ADGRB1: variants seen among roughly 807,000 people sequenced by gnomAD.
The protein encoded by ADGRB1 is adhesion G protein-coupled receptor B1, also known as brain-specific angiogenesis inhibitor 1.
Under a neutral mutation model 175.7 loss-of-function variants are expected in ADGRB1, and 36 were observed. That is an observed-to-expected ratio of 0.20 (90% CI 0.16 to 0.27). The LOEUF (loss-of-function observed/expected upper bound fraction) is 0.27. ADGRB1 is among the 10% of genes least tolerant of loss of function. The pLI, the probability that ADGRB1 is intolerant of heterozygous loss-of-function variation, is 1.00. For synonymous variants in ADGRB1, 1,054 were observed against 979.4 expected, an observed-to-expected ratio of 1.08 and a Z score of -1.42; for missense variants, 1,731 against 2,255.3, an observed-to-expected ratio of 0.77 and a Z score of 4.71.
At chr8:142,460,077 G>C (rs530409670) in intron 1 of ADGRB1, among the ~76,000 whole-genome samples, 1 of 148,520 alleles carries the variant, frequency 6.7e-6, no homozygotes, top group Non-Finnish European at 1.5e-5. Context: ...GGCCTGGCGT[G>C]GGGGGGACAG....
At chr8:142,523,790 A>C in intron 22 of ADGRB1, among the ~76,000 whole-genome samples, 1 of 107,026 alleles carries the variant, frequency 9.3e-6, no homozygotes, top group African/African-American at 3.6e-5. Flanking sequence ...GGGGGTGGGG[A>C]GGGGGCAGGA....
chr8:142,501,898 T>TG (rs1554614710), intron 17 of ADGRB1, among the ~76,000 whole-genome samples: 1 of 40,280 alleles, frequency 2.5e-5, no homozygotes, highest in Non-Finnish European at 5.4e-5. Flanking sequence ...GTGAGGGTGA[T>TG]GTGGTGGTGA....
intron 18 of ADGRB1, among the ~76,000 whole-genome samples, chr8:142,516,459 C>CATGTCA (rs1843441654): frequency 1.8e-5 from 2 of 109,406 alleles, no homozygotes; most frequent in Non-Finnish European, 1.8e-5. Flanking sequence ...TGTGTCTGTG[C>CATGTCA]GGGCCCCAGA....
At chr8:142,534,596 T>G (rs923674726) in intron 25 of ADGRB1, among the ~76,000 whole-genome samples, 1 of 152,118 alleles carries the variant, frequency 6.6e-6, no homozygotes, top group Non-Finnish European at 1.5e-5. Flanking sequence ...AGTTCTGATG[T>G]CCAGCAGCGA....
rs200224393 is a variant in ADGRB1 at position 142,479,486 on chromosome 8, C to T, written c.1725C>T (p.Pro575=). 4.7e-3 allele frequency: 7,232 copies of T among 1,539,722 alleles called. 17 individuals carry two copies. Among genetic ancestry groups the T allele is most frequent in the Admixed American group, 6.0e-3 (263 of 43,780 alleles). The change falls in exon 8 of 31, where the codon CCC becomes CCT. Residue 575 remains proline, a splice_region_variant and synonymous_variant. Coordinates refer to ENST00000517894, the MANE Select transcript of ADGRB1 (RefSeq NM_001702.3). ...GGCAGTGCGGCACCCAGCGGTGTCC[C>T]GGTGAGGCCCCTCCTACCTGGGCTG... ...EYRQCGTQRC[P]EPHEICDEDN...
At chr8:142,475,436 T>A in intron 2 of ADGRB1, 38 bp from the exon 3 acceptor site, 1 of 1,271,356 alleles carries the variant, frequency 7.9e-7, no homozygotes, top group Non-Finnish European at 9.9e-7. Context: ...CACGAGCCCC[T>A]GCCCTGCCCT....
At chr8:142,457,793 C>G (rs943944224) in intron 1 of ADGRB1, among the ~76,000 whole-genome samples, 7 of 152,306 alleles carry the variant, frequency 4.6e-5, no homozygotes, top group African/African-American at 1.7e-4. Flanking sequence ...TGGCCCACTT[C>G]TTATGGCTCT....
chr8:142,475,927 G>C (rs1008836681), intron 3 of ADGRB1, among the ~76,000 whole-genome samples: 10 of 25,158 alleles, frequency 4.0e-4, no homozygotes, highest in Non-Finnish European at 1.0e-3. Context: ...GGGCCTAGCC[G>C]GGGGAGCAGA....
At chr8:142,488,225 C>T in intron 13 of ADGRB1, 139 bp from the exon 14 acceptor site, 1 of 1,247,626 alleles carries the variant, frequency 8.0e-7, no homozygotes, top group Non-Finnish European at 1.1e-6. Flanking sequence ...GGCCCCCACA[C>T]TCCTGCCTCT....
At chr8:142,533,186 CG>C (rs1563748601) in intron 24 of ADGRB1, 108 bp from the exon 25 acceptor site, 4 of 1,228,118 alleles carry the variant, frequency 3.3e-6, no homozygotes, top group Admixed American at 2.8e-5. Context: ...GAGACAGAGA[CG>C]GGGACTTAGG....
At chr8:142,520,235 ATGATGGTGATGGTGGTGGTGATGATGG>A (rs1208239826) in intron 19 of ADGRB1, among the ~76,000 whole-genome samples, 2 of 99,232 alleles carry the variant, frequency 2.0e-5, no homozygotes, top group South Asian at 3.8e-4. Context: ...TGATGGAGTG[ATGATGGTGATGGTGGTGGTGATGATGG>A]TGATGGTGAT....
intron 24 of ADGRB1, among the ~76,000 whole-genome samples, chr8:142,528,706 CCTT>C (rs1418569945): frequency 2.0e-5 from 3 of 152,182 alleles, no homozygotes; most frequent in Non-Finnish European, 2.9e-5. Context: ...CTCTGAGTCA[CCTT>C]CTGTTTGTTT....
rs1334228962 is a variant in ADGRB1 at position 142,511,175 on chromosome 8, C to T, written c.2817+102C>T. On this transcript the variant is annotated intron_variant, in intron 18 of 30. Transcript: ENST00000517894. The surrounding 1 kb of genome is among the most constrained non-coding windows in gnomAD (Gnocchi z 4.5). ...GGGAGGGCCCGCACCCGTCCTGTCC[C>T]GGAGGGGTCGCTGTGGCCCGCAGCC... 4.3e-6 allele frequency: 4 copies of T among 928,632 alleles called. No individual in the cohort carries two copies. Among genetic ancestry groups the T allele is most frequent in the African/African-American group, 1.8e-5 (1 of 55,706 alleles). 57.5% of individuals were successfully genotyped at this position (928,632 alleles called of 1,614,324 possible).
In ADGRB1 at chr8:142,463,971, C is replaced by T. The variant is rs1840102373; in HGVS notation, c.-219-9C>T. Reference sequence around the variant, plus strand: ...TGCTCACTCTGACCCTCTGCTCTTTCTCTTCCAGCTGCTGCTGGTGGCCAC... The same window carrying T: ...TGCTCACTCTGACCCTCTGCTCTTTTTCTTCCAGCTGCTGCTGGTGGCCAC... On this transcript the variant is annotated splice_polypyrimidine_tract_variant and intron_variant, in intron 1 of 30. Transcript: ENST00000517894. 2.7e-6 allele frequency: 1 copy of T among 364,164 alleles called. No individual in the cohort carries two copies. The highest frequency in any genetic ancestry group is 4.8e-6 in the Non-Finnish European group (1 of 207,478). The allele number at this position is 364,164 out of a possible 1,614,324, so 22.6% of individuals were successfully genotyped here. A position where few individuals can be genotyped will look rare whatever the true frequency, so the allele number is the denominator to read the frequency against.
At chr8:142,490,841 G>T (rs372121797) in intron 17 of ADGRB1, 26 bp downstream of exon 17, 26 of 1,566,474 alleles carry the variant, frequency 1.7e-5, no homozygotes, top group Non-Finnish European at 2.1e-5. Flanking sequence ...TTTCATGGCC[G>T]TGGGGGTCTG....
intron 17 of ADGRB1, among the ~76,000 whole-genome samples, chr8:142,501,558 G>A (rs1425618129): frequency 2.7e-5 from 4 of 148,076 alleles, no homozygotes; most frequent in African/African-American, 1.1e-4. Context: ...ATGTGGTGGT[G>A]GTGGTGATGG....
At position 142,542,490 on chromosome 8, in the gene ADGRB1, C is replaced by T; in HGVS notation, c.4256C>T (p.Pro1419Leu). 1 of 1,358,476 alleles carries T rather than the reference C, an allele frequency of 7.4e-7. No homozygotes were observed. Among genetic ancestry groups the T allele is most frequent in the Non-Finnish European group, 9.6e-7 (1 of 1,046,274 alleles). The allele number at this position is 1,358,476 out of a possible 1,614,324, so 84.2% of individuals were successfully genotyped here. The change falls in exon 28 of 31, where the codon CCA becomes CTA. Residue 1419 changes from proline to leucine, a missense_variant. Around this residue, in one of 8 missense-constraint regions of ADGRB1, gnomAD observed 394 missense variants for 410.2 expected, o/e 0.96. Transcript: ENST00000517894. This position sits in a 1 kb window ranked among gnomAD's most constrained non-coding sequence, Gnocchi z 6.3. Reference protein sequence around the residue: ...AQPPPPPPPPPPPPQQPLPPP... With the variant: ...AQPPPPPPPPLPPPQQPLPPP... Reference sequence around the variant, plus strand: ...CCCCCACCGCCTCCGCCCCCACCGCCACCACCTCCCCAGCAGCCCCTGCCC... The same window carrying T: ...CCCCCACCGCCTCCGCCCCCACCGCTACCACCTCCCCAGCAGCCCCTGCCC...
intron 1 of ADGRB1, among the ~76,000 whole-genome samples, chr8:142,451,954 C>A (rs908345237): frequency 8.5e-5 from 13 of 152,156 alleles, no homozygotes; most frequent in Admixed American, 8.5e-4. Flanking sequence ...GAGTACCCAG[C>A]AAGGTCAAGC....
intron 17 of ADGRB1, among the ~76,000 whole-genome samples, chr8:142,491,045 C>T (rs1185777026): frequency 6.6e-6 from 1 of 152,192 alleles, no homozygotes; most frequent in African/African-American, 2.4e-5. Context: ...GAGGAGCGGA[C>T]GTGGAGGTCC....
Sources: allele counts gnomAD v4.1 joint callset (sites outside exome capture counted in the v4.1 genomes callset), GRCh38; gene constraint gnomAD v4.1.1; regional missense constraint gnomAD v4.1.1; non-coding constraint Gnocchi (gnomAD v3.1); transcripts MANE v1.5; gene names NCBI Gene and HGNC (gene_info 2026-07-23, HGNC 2026-07-21).